The following ARHGEF11 variants were observed in gnomAD, a reference collection of about 807,000 sequenced individuals.
The protein encoded by ARHGEF11 is Rho guanine nucleotide exchange factor 11.
In ARHGEF11, 55 loss-of-function variants were observed where a neutral mutation model predicts 193.7. The observed-to-expected ratio is 0.28, with a 90% CI of 0.23 to 0.36. The LOEUF is 0.36. Among genes scored for constraint, ARHGEF11 ranks in the 10% least tolerant of loss-of-function variants. The probability of loss-of-function intolerance (pLI) is 1.00; values close to 1 mark genes in which losing one functional copy is unlikely to be tolerated. For missense variants in ARHGEF11, 1,723 were observed against 2,005.6 expected, an observed-to-expected ratio of 0.86 and a Z score of 2.69; for synonymous variants, 693 against 768.0, an observed-to-expected ratio of 0.90 and a Z score of 1.62.
chr1:157,001,625 C>G (rs1476910930), intron 1 of ARHGEF11, among the ~76,000 whole-genome samples: 1 of 152,242 alleles, frequency 6.6e-6, no homozygotes, highest in Non-Finnish European at 1.5e-5. Context: ...GCTATGCAGG[C>G]ACTTTGCAGA....
Position 156,939,597 on chromosome 1 carries a change from T to C in ARHGEF11, c.4047A>G (p.Glu1349=), listed in dbSNP as rs1656347119. The change falls in exon 37 of 41, where the codon GAA becomes GAG. Residue 1349 remains glutamate (E), a synonymous_variant. Coordinates refer to ENST00000368194, the MANE Select transcript of ARHGEF11 (RefSeq NM_198236.3). The part of the protein sequence containing the change: ...ESPELDRNLA[E]DASSTEAAGG... ...CTGCTGCCTCTGTGCTTGAAGCATCTTCAGCCAGATTCCTGTCCAGTTCTG... is the reference window on the plus strand; with the variant it reads ...CTGCTGCCTCTGTGCTTGAAGCATCCTCAGCCAGATTCCTGTCCAGTTCTG... 6.2e-7 allele frequency: 1 copy of C among 1,613,234 alleles called. No individual in the cohort carries two copies. Among genetic ancestry groups the C allele is most frequent in the Non-Finnish European group, 8.5e-7 (1 of 1,180,034 alleles).
chr1:157,038,479 G>T (rs1351776939), intron 1 of ARHGEF11, among the ~76,000 whole-genome samples: 3 of 152,174 alleles, frequency 2.0e-5, no homozygotes. Context: ...CAATAAAATG[G>T]TTTTAAATTG....
chr1:156,936,917 T>C lies in ARHGEF11; in HGVS notation c.4529A>G (p.Glu1510Gly). The change falls in exon 40 of 41, where the codon GAA becomes GGA. Residue 1510 changes from glutamate (E) to glycine (G), a missense_variant. Transcript: ENST00000368194. ...GTTPVGSFHT[E>G]AARWTDGSLS... The stretch of plus-strand genomic sequence containing the variant: ...GGAGCCATCTGTCCATCTAGCTGCT[T>C]CTGTGTGGAAACTGCCCACAGGCGT... The C allele has an allele frequency of 6.2e-7, 1 of 1,614,110 alleles. No homozygotes were observed. The highest frequency in any genetic ancestry group is 8.5e-7 in the Non-Finnish European group (1 of 1,180,028).
intron 35 of ARHGEF11, 116 bp downstream of exon 35, chr1:156,941,256 A>G (rs941449509): frequency 7.5e-6 from 7 of 937,074 alleles, no homozygotes; most frequent in Non-Finnish European, 1.2e-5. Context: ...ACTCTTTATC[A>G]AAACCTCACA....
Position 156,947,347 on chromosome 1 carries a change from C to T in ARHGEF11, c.2445G>A (p.Leu815=), listed in dbSNP as rs1333746927. ...KKENLMPREE[L]ARLFPNLPEL... is the part of the protein sequence containing the mutation. ...CAGGCAGGTTCGGGAAGAGCCGGGC[C>T]AGCTCCTCCCGGGGCATCAGGTTCT... The change falls in exon 26 of 41, where the codon CTG becomes CTA. Residue 815 remains leucine, a synonymous_variant. Coordinates refer to ENST00000368194, the MANE Select transcript of ARHGEF11 (RefSeq NM_198236.3). 1.2e-6 allele frequency: 2 copies of T among 1,613,690 alleles called. No homozygotes were observed. The highest frequency in any genetic ancestry group is 2.2e-5 in the East Asian group (1 of 44,868).
chr1:157,013,209 C>G (rs1668753798), intron 1 of ARHGEF11, among the ~76,000 whole-genome samples: 1 of 148,876 alleles, frequency 6.7e-6, no homozygotes, highest in Non-Finnish European at 1.5e-5. Context: ...TTCCATTTCC[C>G]TTCCATCATG....
At chr1:156,955,665 C>T (rs1248505530) in intron 20 of ARHGEF11, 38 bp downstream of exon 20, 1 of 1,534,986 alleles carries the variant, frequency 6.5e-7, no homozygotes, top group Non-Finnish European at 9.0e-7. Flanking sequence ...GGTCCCTGCC[C>T]AAGGAATGCC....
rs763992245 is a variant in ARHGEF11, at chr1:156,946,694, G to A, written c.2662C>T (p.Arg888Cys). 4 of 1,614,196 alleles carry A rather than the reference G, an allele frequency of 2.5e-6. No homozygotes were observed. Among genetic ancestry groups the A allele is most frequent in the Non-Finnish European group, 2.5e-6 (3 of 1,180,032 alleles). Residue 888 changes from arginine to cysteine, a missense_variant, in exon 28 of 41, where the codon CGC becomes TGC. Transcript: ENST00000368194. ...IALELIKTKQ[R>C]KESRFQLFMQ... The stretch of plus-strand genomic sequence containing the variant: ...AAGAGCTGGAATCGACTCTCCTTGC[G>A]TTGCTTGGTCTTGATTAGCTCTAGG...
At chr1:156,937,207 T>C in intron 39 of ARHGEF11, 42 bp downstream of exon 39, 1 of 1,611,996 alleles carries the variant, frequency 6.2e-7, no homozygotes, top group Non-Finnish European at 8.5e-7. Flanking sequence ...TTTGGGGTGA[T>C]GGACTGAAGG....
Position 156,946,014 on chromosome 1 carries a change from C to A in ARHGEF11, c.2812+31G>T, listed in dbSNP as rs3818808. 5.7e-6 allele frequency: 9 copies of A among 1,569,978 alleles called. No homozygotes were observed. In the East Asian group the frequency reaches 2.0e-4, roughly 35 times the overall value. On this transcript the variant is annotated intron_variant, in intron 29 of 40. Transcript: ENST00000368194. ...TGAGGGTCTGGCACGAGGCCCACTG[C>A]CTGTGATGCCAGCCCCTCCCCAGGT...
chr1:156,952,722 C>T (rs1659301925), intron 21 of ARHGEF11, among the ~76,000 whole-genome samples: 2 of 152,264 alleles, frequency 1.3e-5, no homozygotes, highest in Admixed American at 1.3e-4. Context: ...AACTTGACAG[C>T]CTTTAGGCAA....
intron 1 of ARHGEF11, among the ~76,000 whole-genome samples, chr1:157,020,411 G>A (rs1221361095): frequency 2.6e-5 from 4 of 152,146 alleles, no homozygotes; most frequent in South Asian, 2.1e-4. Flanking sequence ...GCAGGTACTC[G>A]CTCTTTTTAG....
chr1:157,026,359 T>C (rs1273497800), intron 1 of ARHGEF11, among the ~76,000 whole-genome samples: 2 of 152,150 alleles, frequency 1.3e-5, no homozygotes, highest in East Asian at 3.8e-4. Context: ...TTTCCCCTAA[T>C]GGGAGTGCAT....
intron 1 of ARHGEF11, among the ~76,000 whole-genome samples, chr1:157,007,913 G>GTTTTTTTTTT (rs10580966): frequency 4.2e-5 from 5 of 118,844 alleles, no homozygotes; most frequent in Non-Finnish European, 7.1e-5. Context: ...TTTTTTTTTT[G>GTTTTTTTTTT]TTTTTTTTTT....
At chr1:157,010,237 T>C (rs578143586) in intron 1 of ARHGEF11, among the ~76,000 whole-genome samples, 2 of 152,246 alleles carry the variant, frequency 1.3e-5, no homozygotes, top group East Asian at 3.9e-4. Context: ...AATGTTGAAC[T>C]AGGGAGTTCT....
In ARHGEF11 at chr1:156,969,861, T is replaced by A. The variant is rs1662269625; in HGVS notation, c.748+137A>T. The A allele has an allele frequency of 4.7e-6, 4 of 853,076 alleles. No individual in the cohort carries two copies. In the South Asian group the frequency reaches 6.3e-5, roughly 13 times the overall value. The allele number at this position is 853,076 out of a possible 1,614,324, so 52.8% of individuals were successfully genotyped here. A position where few individuals can be genotyped will look rare whatever the true frequency, so the allele number is the denominator to read the frequency against. On this transcript the variant is annotated intron_variant, in intron 9 of 40. Transcript: ENST00000368194. ...AGCTTCCCTGTGTATTTGTACTGCT[T>A]TCTCCCATTATTTCATTTCTCAGAG... is the stretch of plus-strand genomic sequence containing the variant.
chr1:156,969,407 G>A (rs556579522), intron 9 of ARHGEF11, 49 bp from the exon 10 acceptor site: 30 of 1,535,412 alleles, frequency 2.0e-5, no homozygotes, highest in African/African-American at 2.7e-5. Context: ...TGGCCTAGGG[G>A]AAAGAGAGCC....
chr1:157,026,709 T>C (rs1015315076), intron 1 of ARHGEF11, among the ~76,000 whole-genome samples: 2 of 152,224 alleles, frequency 1.3e-5, no homozygotes, highest in Non-Finnish European at 2.9e-5. Context: ...GCCTCAGCTT[T>C]CTCACTATTA....
At chr1:156,965,384 G>C (rs2102233371) in intron 11 of ARHGEF11, among the ~76,000 whole-genome samples, 1 of 152,310 alleles carries the variant, frequency 6.6e-6, no homozygotes, top group East Asian at 1.9e-4. Context: ...GCTCCGTGTT[G>C]GGGACCAGGA....
Sources: allele counts gnomAD v4.1 joint callset (sites outside exome capture counted in the v4.1 genomes callset), GRCh38; gene constraint gnomAD v4.1.1; transcripts MANE v1.5; gene names NCBI Gene and HGNC (gene_info 2026-07-23, HGNC 2026-07-21).